GSG1L: variants seen among roughly 807,000 people sequenced by gnomAD.
The protein encoded by GSG1L is GSG1 like, also known as germ cell-specific gene 1-like protein.
A neutral mutation model predicts 42.1 loss-of-function variants in GSG1L; 24 were observed. The observed-to-expected ratio is 0.57, with a 90% CI of 0.41 to 0.80. The LOEUF (loss-of-function observed/expected upper bound fraction) is 0.80. Among genes scored for constraint, GSG1L ranks in the 30% least tolerant of loss-of-function variants. The pLI, the probability that GSG1L is intolerant of heterozygous loss-of-function variation, is 0.00. For missense variants in GSG1L, 445 were observed against 472.2 expected, an observed-to-expected ratio of 0.94 and a Z score of 0.53; for synonymous variants, 215 against 203.5, an observed-to-expected ratio of 1.06 and a Z score of -0.48.
At position 27,874,607 on chromosome 16, in the gene GSG1L, G is replaced by A. The variant is rs564081187; in HGVS notation, c.550+9879C>T. Among the ~76,000 whole-genome samples, 432 of 152,026 alleles carry A rather than the reference G, an allele frequency of 2.8e-3. 1 individual carries two copies. The highest frequency in any genetic ancestry group is 9.9e-3 in the African/African-American group (411 of 41,456). On this transcript the variant is annotated intron_variant, in intron 3 of 6. Coordinates refer to ENST00000447459, the MANE Select transcript of GSG1L (RefSeq NM_001109763.2). Reference sequence around the variant, plus strand: ...CTGGGATATAGGTGTGTGCCACCATGCCCAGCTAACAGGCAAGCTTCCTGG... The same window carrying A: ...CTGGGATATAGGTGTGTGCCACCATACCCAGCTAACAGGCAAGCTTCCTGG...
chr16:28,007,059 C>T (rs1372305652), intron 1 of GSG1L, among the ~76,000 whole-genome samples: 1 of 152,184 alleles, frequency 6.6e-6, no homozygotes, highest in Non-Finnish European at 1.5e-5. Context: ...CCAGAGGGGA[C>T]CCTGACTGTC....
chr16:27,918,064 C>T (rs1051812216), intron 2 of GSG1L, among the ~76,000 whole-genome samples: 3 of 152,184 alleles, frequency 2.0e-5, no homozygotes, highest in Non-Finnish European at 4.4e-5. Context: ...ACACCTAGAC[C>T]CACATCCAAC....
intron 3 of GSG1L, among the ~76,000 whole-genome samples, chr16:27,871,176 G>A (rs2083815497): frequency 6.6e-6 from 1 of 152,138 alleles, no homozygotes; most frequent in African/African-American, 2.4e-5. Context: ...GAGTTGTCGT[G>A]ACTTGGGGAG....
At chr16:28,049,914 C>G (rs1490445714) in intron 1 of GSG1L, among the ~76,000 whole-genome samples, 1 of 152,164 alleles carries the variant, frequency 6.6e-6, no homozygotes, top group Non-Finnish European at 1.5e-5. Flanking sequence ...TCATGGAATT[C>G]AAGCACTACA....
chr16:27,970,392 T>C (rs1220834672), intron 1 of GSG1L, among the ~76,000 whole-genome samples: 1 of 151,624 alleles, frequency 6.6e-6, no homozygotes, highest in Non-Finnish European at 1.5e-5. Context: ...GCCAACATGG[T>C]GAAATCCCAT....
chr16:27,992,362 G>A (rs1422575837), intron 1 of GSG1L, among the ~76,000 whole-genome samples: 2 of 152,126 alleles, frequency 1.3e-5, no homozygotes, highest in Non-Finnish European at 2.9e-5. Context: ...AGGTGTGGTG[G>A]CGTGTGTCTG....
chr16:27,836,687 T>C (rs1236369374), intron 4 of GSG1L, among the ~76,000 whole-genome samples: 1 of 152,252 alleles, frequency 6.6e-6, no homozygotes, highest in African/African-American at 2.4e-5. Flanking sequence ...TTTTTAGTTT[T>C]AAAATTGCCA....
chr16:27,868,990 T>C (rs2083767258), intron 3 of GSG1L, among the ~76,000 whole-genome samples: 1 of 151,970 alleles, frequency 6.6e-6, no homozygotes, highest in East Asian at 1.9e-4. Flanking sequence ...GAGATGGGGT[T>C]GGAAGGCCAG....
At chr16:27,977,172 G>C (rs1401713662) in intron 1 of GSG1L, among the ~76,000 whole-genome samples, 3 of 152,156 alleles carry the variant, frequency 2.0e-5, no homozygotes, top group African/African-American at 7.2e-5. Context: ...GCTCACAGAG[G>C]CAGAGTGACC....
chr16:27,915,089 C>T (rs1224888269), intron 2 of GSG1L, among the ~76,000 whole-genome samples: 1 of 151,886 alleles, frequency 6.6e-6, no homozygotes, highest in Non-Finnish European at 1.5e-5. Flanking sequence ...ATCACTAAGC[C>T]GCTACCAAGC....
chr16:28,013,701 C>T (rs1390140320), intron 1 of GSG1L, among the ~76,000 whole-genome samples: 1 of 152,170 alleles, frequency 6.6e-6, no homozygotes, highest in East Asian at 1.9e-4. Flanking sequence ...CATGGGGACC[C>T]CAAGCGCCAC....
chr16:27,796,489 A>T (rs2082819377), intron 6 of GSG1L, among the ~76,000 whole-genome samples: 1 of 152,214 alleles, frequency 6.6e-6, no homozygotes, highest in Non-Finnish European at 1.5e-5. Context: ...CATGTGTCAC[A>T]GGAGGACAAA....
chr16:27,979,661 A>AAGAAAGAAAGAAAGAAAGAAAGAAAG (rs368394279), intron 1 of GSG1L, among the ~76,000 whole-genome samples: 1,804 of 67,436 alleles, frequency 0.027, 119 homozygotes, highest in South Asian at 0.078. Context: ...GAAAGAAAGA[A>AAGAAAGAAAGAAAGAAAGAAAGAAAG]AGAGAGAGAG....
intron 2 of GSG1L, among the ~76,000 whole-genome samples, chr16:27,921,506 A>G (rs775533264): frequency 3.3e-5 from 5 of 152,154 alleles, no homozygotes; most frequent in Non-Finnish European, 7.4e-5. Flanking sequence ...CTCATCTCTC[A>G]CAACACAATC....
At chr16:27,794,313 C>T (rs2082792277) in intron 6 of GSG1L, among the ~76,000 whole-genome samples, 1 of 152,016 alleles carries the variant, frequency 6.6e-6, no homozygotes, top group Non-Finnish European at 1.5e-5. Context: ...TCACCATGCC[C>T]AGCTGGATCT....
Position 27,790,112 on chromosome 16 carries a change from T to G in GSG1L, c.*1258A>C, listed in dbSNP as rs992984449. The G allele has an allele frequency of 2.0e-5, 3 of 150,212 alleles. No homozygotes were observed. Among genetic ancestry groups the G allele is most frequent in the Non-Finnish European group, 4.4e-5 (3 of 67,452 alleles). The allele number at this position is 150,212 out of a possible 1,614,324, so 9.3% of individuals were successfully genotyped here. On this transcript the variant is annotated 3_prime_UTR_variant, in exon 7 of 7. Coordinates refer to ENST00000447459, the MANE Select transcript of GSG1L (RefSeq NM_001109763.2). ...ATGGAAGGATGGATGAATGAATGAA[T>G]GATGGATGGATGAGTGGAAAGATGA...
intron 5 of GSG1L, 117 bp downstream of exon 5, chr16:27,828,672 T>C: frequency 1.0e-6 from 1 of 952,848 alleles, no homozygotes; most frequent in Non-Finnish European, 1.6e-6. Flanking sequence ...CCCCCCTCCA[T>C]AACCCCTCTG....
chr16:28,023,003 T>C (rs780969777), intron 1 of GSG1L, among the ~76,000 whole-genome samples: 8 of 152,084 alleles, frequency 5.3e-5, no homozygotes, highest in Non-Finnish European at 1.0e-4. Flanking sequence ...TGTTTTTTAA[T>C]ATATATAGAG....
intron 6 of GSG1L, among the ~76,000 whole-genome samples, chr16:27,802,742 T>G (rs1182223801): frequency 6.6e-6 from 1 of 152,086 alleles, no homozygotes; most frequent in Non-Finnish European, 1.5e-5. Flanking sequence ...CTCAAACTCC[T>G]GGGCTCAATC....
Sources: allele counts gnomAD v4.1 joint callset (sites outside exome capture counted in the v4.1 genomes callset), GRCh38; gene constraint gnomAD v4.1.1; transcripts MANE v1.5; gene names NCBI Gene and HGNC (gene_info 2026-07-23, HGNC 2026-07-21).